KIF1B: variants seen among roughly 807,000 people sequenced by gnomAD.
KIF1B encodes the protein kinesin-like protein KIF1B.
KIF1B carries 76 observed loss-of-function variants against 241.9 expected under a neutral mutation model. The ratio of observed to expected loss-of-function variants is 0.31; its 90% CI spans 0.26 to 0.38. KIF1B has a LOEUF of 0.38. KIF1B is among the 10% of genes least tolerant of loss of function. The pLI, the probability that KIF1B is intolerant of heterozygous loss-of-function variation, is 1.00. For synonymous variants in KIF1B, 750 were observed against 796.7 expected, an observed-to-expected ratio of 0.94 and a Z score of 0.99; for missense variants, 1,622 against 2,271.4, an observed-to-expected ratio of 0.71 and a Z score of 5.81.
At chr1:10,342,001 A>T in intron 32 of KIF1B, 49 bp from the exon 33 acceptor site, 1 of 1,307,540 alleles carries the variant, frequency 7.6e-7, no homozygotes. Flanking sequence ...TGATTGAAGC[A>T]AAAATGTGTA....
intron 1 of KIF1B, among the ~76,000 whole-genome samples, chr1:10,223,740 T>C (rs939578586): frequency 6.6e-6 from 1 of 151,956 alleles, no homozygotes; most frequent in African/African-American, 2.4e-5. Context: ...GAAACGGGAT[T>C]TCACCACGTT....
chr1:10,374,171 C>T lies in KIF1B; in HGVS notation c.4947-145C>T, dbSNP rs1638820129. Reference sequence around the variant, plus strand: ...TAACTTTCTGAAGCCAGCTTGTCTCCTCAGCTGAGCTCTCTGCAACTCAAG... The same window carrying T: ...TAACTTTCTGAAGCCAGCTTGTCTCTTCAGCTGAGCTCTCTGCAACTCAAG... On this transcript the variant is annotated intron_variant, in intron 45 of 48. Transcript: ENST00000676179. This position sits in a 1 kb window ranked among gnomAD's most constrained non-coding sequence, Gnocchi z 4.3. The T allele has an allele frequency of 1.2e-6, 1 of 820,890 alleles. No individual in the cohort carries two copies. The highest frequency in any genetic ancestry group is 2.4e-5 in the East Asian group (1 of 41,250). 50.9% of individuals were successfully genotyped at this position (820,890 alleles called of 1,614,324 possible).
intron 38 of KIF1B, among the ~76,000 whole-genome samples, chr1:10,358,956 C>T (rs1177139307): frequency 6.6e-6 from 1 of 152,166 alleles, no homozygotes; most frequent in African/African-American, 2.4e-5. Context: ...TCTCTATCTT[C>T]TGTGTCTTTG....
At chr1:10,311,761 C>G (rs1651075827) in intron 22 of KIF1B, among the ~76,000 whole-genome samples, 1 of 151,420 alleles carries the variant, frequency 6.6e-6, no homozygotes, top group Non-Finnish European at 1.5e-5. Context: ...GCTGCTCCAT[C>G]ATGGTCTGTG....
intron 1 of KIF1B, among the ~76,000 whole-genome samples, chr1:10,219,232 C>G (rs1646808318): frequency 6.6e-6 from 1 of 151,786 alleles, no homozygotes; most frequent in African/African-American, 2.4e-5. Context: ...GAGGCCGAGG[C>G]TGGTGCATCA....
At chr1:10,229,970 T>G (rs1375229893) in intron 1 of KIF1B, among the ~76,000 whole-genome samples, 1 of 151,752 alleles carries the variant, frequency 6.6e-6, no homozygotes, top group African/African-American at 2.4e-5. Context: ...AGTCAGGAGT[T>G]TGAGAACAGA....
At chr1:10,213,907 C>T (rs1472546694) in intron 1 of KIF1B, among the ~76,000 whole-genome samples, 1 of 151,458 alleles carries the variant, frequency 6.6e-6, no homozygotes, top group Admixed American at 6.6e-5. Flanking sequence ...GAGGCTGAGG[C>T]GGGAGGATTG....
At chr1:10,305,864 G>C (rs1022232623) in intron 22 of KIF1B, 1 of 1,052,242 alleles carries the variant, frequency 9.5e-7, no homozygotes. Flanking sequence ...AGTTTTCTAA[G>C]AGGCAGTGTG....
At chr1:10,348,137 G>GAA (rs1652655230) in intron 36 of KIF1B, among the ~76,000 whole-genome samples, 2 of 152,096 alleles carry the variant, frequency 1.3e-5, no homozygotes, top group African/African-American at 4.8e-5. Flanking sequence ...GTGATGTTTG[G>GAA]AAGCTCTGTG....
intron 22 of KIF1B, among the ~76,000 whole-genome samples, chr1:10,316,101 C>T (rs1048714571): frequency 1.4e-5 from 2 of 145,722 alleles, no homozygotes; most frequent in Non-Finnish European, 3.0e-5. Flanking sequence ...GGCACGTTGG[C>T]TCACTCTTGT....
At position 10,368,553 on chromosome 1, in the gene KIF1B, T is replaced by C; in HGVS notation, c.4824+15T>C. The C allele has an allele frequency of 1.9e-6, 3 of 1,607,916 alleles. No individual in the cohort carries two copies. The highest frequency in any genetic ancestry group is 2.6e-6 in the Non-Finnish European group (3 of 1,174,306). ...GTGACTGTAAGGTGAGCACATTGAC[T>C]GTAATTTTTAGCCAGTATGTTGATA... On this transcript the variant is annotated intron_variant, in intron 44 of 48. Transcript: ENST00000676179.
chr1:10,347,715 A>G, intron 35 of KIF1B, 46 bp from the exon 36 acceptor site: 1 of 1,496,694 alleles, frequency 6.7e-7, no homozygotes, highest in Middle Eastern at 1.7e-4. Context: ...TAAGCCTTGC[A>G]GATGAAGTAG....
At chr1:10,375,183 GGGA>G in intron 47 of KIF1B, 69 bp from the exon 48 acceptor site, 2 of 1,478,072 alleles carry the variant, frequency 1.4e-6, no homozygotes, top group South Asian at 2.3e-5. Context: ...TATATGCCTT[GGGA>G]ATATGGCAAG....
intron 22 of KIF1B, among the ~76,000 whole-genome samples, chr1:10,301,694 A>G (rs1328480858): frequency 1.3e-5 from 2 of 152,152 alleles, no homozygotes; most frequent in East Asian, 3.9e-4. Context: ...AAGTAAAGCA[A>G]TAAAGAATGG....
chr1:10,269,654 T>C (rs1021320017), intron 7 of KIF1B, among the ~76,000 whole-genome samples: 2 of 151,584 alleles, frequency 1.3e-5, no homozygotes, highest in African/African-American at 4.9e-5. Context: ...ACCCAGTCTC[T>C]ACTAAAAATA....
At chr1:10,322,393 C>T (rs547929986) in intron 24 of KIF1B, among the ~76,000 whole-genome samples, 2 of 152,300 alleles carry the variant, frequency 1.3e-5, no homozygotes, top group East Asian at 1.9e-4. Flanking sequence ...GGCAGCAGTA[C>T]CTGGCACCAA....
At chr1:10,257,719 A>C (rs1647878857) in intron 3 of KIF1B, among the ~76,000 whole-genome samples, 2 of 151,768 alleles carry the variant, frequency 1.3e-5, no homozygotes, top group African/African-American at 4.8e-5. Context: ...TCTGTTGCCT[A>C]GGCTGGAGTG....
chr1:10,378,489 T>G lies in KIF1B; in HGVS notation c.*1902T>G. 1.4e-6 allele frequency: 1 copy of G among 716,134 alleles called. No individual in the cohort carries two copies. Among genetic ancestry groups the G allele is most frequent in the Admixed American group, 2.0e-5 (1 of 49,898 alleles). The allele number at this position is 716,134 out of a possible 1,614,324, so 44.4% of individuals were successfully genotyped here. ...TCTTGGGATTGTTTTACACCATCCTTTACTTCCCTTGCTCAGACCTCTCTG... is the reference window on the plus strand; with the variant it reads ...TCTTGGGATTGTTTTACACCATCCTGTACTTCCCTTGCTCAGACCTCTCTG... On this transcript the variant is annotated 3_prime_UTR_variant, in exon 49 of 49. Transcript: ENST00000676179.
chr1:10,244,801 A>C (rs1647185855), intron 2 of KIF1B, among the ~76,000 whole-genome samples: 1 of 146,128 alleles, frequency 6.8e-6, no homozygotes, highest in Non-Finnish European at 1.5e-5. Context: ...TTTAGTAGAG[A>C]CGGGGTTTCA....
Sources: gnomAD v4.1 joint callset for allele counts (sites outside exome capture counted in the v4.1 genomes callset) on GRCh38, gnomAD v4.1.1 for gene constraint, Gnocchi (gnomAD v3.1) non-coding constraint, MANE v1.5 for transcripts, NCBI Gene and HGNC (gene_info 2026-07-23, HGNC 2026-07-21) for gene names.